The following ST3GAL3 variants were observed in gnomAD, a reference collection of about 807,000 sequenced individuals.
ST3GAL3 encodes the protein CMP-N-acetylneuraminate-beta-1,4-galactoside alpha-2,3-sialyltransferase.
A neutral mutation model predicts 50.1 loss-of-function variants in ST3GAL3; 21 were observed. The observed-to-expected ratio is 0.42, with a 90% CI of 0.30 to 0.60. ST3GAL3 has a LOEUF of 0.60. Among genes scored for constraint, ST3GAL3 ranks in the 20% least tolerant of loss-of-function variants. The pLI is 0.19. For missense variants in ST3GAL3, 353 were observed against 489.4 expected (o/e 0.72, Z 2.63); for synonymous variants, 183 against 190.0 (o/e 0.96, Z 0.30).
intron 2 of ST3GAL3, among the ~76,000 whole-genome samples, chr1:43,748,423 A>ATTTTTTT (rs1215322512): frequency 8.1e-5 from 9 of 111,132 alleles, no homozygotes; most frequent in East Asian, 2.5e-4. Context: ...AACAGCCCCC[A>ATTTTTTT]TTTTTTTTTT....
At position 43,843,618 on chromosome 1, in the gene ST3GAL3, T is replaced by A. The variant is rs149625727; in HGVS notation, c.302+5307T>A. Among the ~76,000 whole-genome samples, 161 of 152,354 alleles carry A rather than the reference T, an allele frequency of 1.1e-3. 2 individuals carry two copies. Among genetic ancestry groups the A allele is most frequent in the African/African-American group, 3.7e-3 (152 of 41,574 alleles). ...GCTTCAGAATAAGTGGGAAAATATT[T>A]CTTCATCTTTCTACAAATTTTGTGT... On this transcript the variant is annotated intron_variant, in intron 5 of 11. Coordinates refer to ENST00000347631, the MANE Select transcript of ST3GAL3 (RefSeq NM_006279.5).
intron 7 of ST3GAL3, 23 bp downstream of exon 7, chr1:43,898,321 T>C: frequency 6.2e-7 from 1 of 1,612,134 alleles, no homozygotes; most frequent in East Asian, 2.2e-5. Context: ...CTGTGCAGCC[T>C]CCTACCCACC....
Position 43,715,284 on chromosome 1 carries a change from A to T in ST3GAL3, c.-31+7591A>T, listed in dbSNP as rs992302625. ...GAGTACAAAAAAAAAATGATAAAAA[A>T]TGTTCATGGCTGTGCGCGGTGGCTC... On this transcript the variant is annotated intron_variant, in intron 1 of 11. Coordinates refer to ENST00000347631, the MANE Select transcript of ST3GAL3 (RefSeq NM_006279.5). Among the ~76,000 whole-genome samples, 2 of 152,176 alleles carry T rather than the reference A, an allele frequency of 1.3e-5. 1 individual carries two copies. Among genetic ancestry groups the T allele is most frequent in the South Asian group, 4.1e-4 (2 of 4,828 alleles).
intron 4 of ST3GAL3, chr1:43,819,042 G>A (rs1462300652): frequency 6.6e-6 from 1 of 152,210 alleles, no homozygotes; most frequent in Non-Finnish European, 1.5e-5. Context: ...ATAGATGAAT[G>A]AGTATGGCTG....
intron 9 of ST3GAL3, chr1:43,920,003 A>G (rs1557556453): frequency 5.7e-6 from 2 of 351,960 alleles, no homozygotes; most frequent in Non-Finnish European, 1.1e-5. Flanking sequence ...AGGAGGGCAG[A>G]CAGGAGAGAG....
chr1:43,814,325 TA>T (rs2060979083), intron 3 of ST3GAL3, among the ~76,000 whole-genome samples: 1 of 152,258 alleles, frequency 6.6e-6, no homozygotes, highest in Non-Finnish European at 1.5e-5. Context: ...GCAAAGAACT[TA>T]AATAAATTAC....
At chr1:43,892,184 C>G (rs940338694) in intron 5 of ST3GAL3, among the ~76,000 whole-genome samples, 3 of 152,202 alleles carry the variant, frequency 2.0e-5, no homozygotes, top group Non-Finnish European at 2.9e-5. Flanking sequence ...CTCAGGTGAT[C>G]CGCCTGCCTT....
chr1:43,898,600 G>T (rs1198947994), intron 7 of ST3GAL3, among the ~76,000 whole-genome samples: 1 of 152,132 alleles, frequency 6.6e-6, no homozygotes. Context: ...CCTGGGTGGC[G>T]GGGGCAGGTG....
chr1:43,850,472 G>A (rs2067077811), intron 5 of ST3GAL3: 1 of 604,364 alleles, frequency 1.7e-6, no homozygotes, highest in African/African-American at 1.8e-5. Context: ...TCCCTCTGTG[G>A]ATAAAGTGGG....
intron 5 of ST3GAL3, among the ~76,000 whole-genome samples, chr1:43,864,790 TA>T (rs1186932678): frequency 6.6e-6 from 1 of 151,826 alleles, no homozygotes; most frequent in East Asian, 1.9e-4. Flanking sequence ...GAGGGATGAG[TA>T]AAAATGGATT....
chr1:43,776,673 C>T (rs1384722486), intron 2 of ST3GAL3, among the ~76,000 whole-genome samples: 1 of 152,170 alleles, frequency 6.6e-6, no homozygotes, highest in East Asian at 1.9e-4. Context: ...GCTGCTACAT[C>T]ATTTTACATT....
intron 2 of ST3GAL3, among the ~76,000 whole-genome samples, chr1:43,746,811 G>A (rs1209325663): frequency 6.8e-6 from 1 of 147,130 alleles, no homozygotes; most frequent in African/African-American, 2.5e-5. Context: ...CACCCAGGTT[G>A]GAGTGCAGTG....
intron 2 of ST3GAL3, among the ~76,000 whole-genome samples, chr1:43,742,896 G>A (rs944543688): frequency 3.3e-5 from 5 of 152,026 alleles, no homozygotes; most frequent in East Asian, 1.9e-4. Context: ...AAGAAAGATC[G>A]AGACCATCCT....
chr1:43,718,099 T>C (rs1369446939), intron 1 of ST3GAL3, among the ~76,000 whole-genome samples: 1 of 151,400 alleles, frequency 6.6e-6, no homozygotes, highest in Non-Finnish European at 1.5e-5. Context: ...TCTTGAACTC[T>C]TGACCTCAGG....
intron 5 of ST3GAL3, chr1:43,879,634 A>G (rs986110344): frequency 2.4e-5 from 8 of 336,574 alleles, no homozygotes; most frequent in Non-Finnish European, 4.7e-5. Flanking sequence ...TCCAGTTGGC[A>G]AGAGAGAGAT....
intron 9 of ST3GAL3, among the ~76,000 whole-genome samples, chr1:43,906,006 T>C (rs1285669026): frequency 6.4e-3 from 167 of 26,040 alleles, no homozygotes; most frequent in Non-Finnish European, 7.4e-3. Flanking sequence ...CTCTTCCCCC[T>C]CCTCCTTCTG....
At chr1:43,796,799 A>G (rs1054939518) in intron 3 of ST3GAL3, among the ~76,000 whole-genome samples, 12 of 152,252 alleles carry the variant, frequency 7.9e-5, no homozygotes, top group African/African-American at 2.9e-4. Flanking sequence ...TGAATAATCT[A>G]ATAAAGACTT....
chr1:43,784,424 G>C (rs1243590462), intron 2 of ST3GAL3, among the ~76,000 whole-genome samples: 1 of 152,122 alleles, frequency 6.6e-6, no homozygotes, highest in Non-Finnish European at 1.5e-5. Flanking sequence ...CAGGAGAATC[G>C]CTTGAACCTG....
At chr1:43,886,102 C>T (rs547030336) in intron 5 of ST3GAL3, among the ~76,000 whole-genome samples, 51 of 152,284 alleles carry the variant, frequency 3.3e-4, no homozygotes, top group Non-Finnish European at 6.3e-4. Flanking sequence ...AAATGTTGGC[C>T]GGGTGCAGTG....
Sources: allele counts gnomAD v4.1 joint callset (sites outside exome capture counted in the v4.1 genomes callset), GRCh38; gene constraint gnomAD v4.1.1; transcripts MANE v1.5; gene names NCBI Gene and HGNC (gene_info 2026-07-23, HGNC 2026-07-21).